SYT1: variants seen among roughly 807,000 people sequenced by gnomAD.
SYT1 encodes synaptotagmin-1.
In SYT1, 8 loss-of-function variants were observed where a neutral mutation model predicts 44.8. The ratio of observed to expected loss-of-function variants is 0.18; its 90% CI spans 0.10 to 0.32. The LOEUF (loss-of-function observed/expected upper bound fraction) is 0.32, where lower values mean the gene tolerates loss of function less well. SYT1 is among the 10% of genes least tolerant of loss of function. The pLI is 1.00. For synonymous variants in SYT1, 154 were observed against 188.8 expected (o/e 0.82, Z 1.51); for missense variants, 286 against 509.3 (o/e 0.56, Z 4.22).
At chr12:78,914,579 C>G (rs1287539977) in intron 1 of SYT1, among the ~76,000 whole-genome samples, 1 of 151,760 alleles carries the variant, frequency 6.6e-6, no homozygotes, top group African/African-American at 2.4e-5. Context: ...ATAGGTAGAT[C>G]GATAGAGAGA....
At chr12:79,179,059 T>C (rs1242034775) in intron 3 of SYT1, among the ~76,000 whole-genome samples, 1 of 112,884 alleles carries the variant, frequency 8.9e-6, no homozygotes, top group African/African-American at 3.3e-5. Context: ...TATATAGATA[T>C]AGATATAGAT....
intron 3 of SYT1, among the ~76,000 whole-genome samples, chr12:79,210,592 G>A: frequency 6.6e-6 from 1 of 152,128 alleles, no homozygotes; most frequent in Non-Finnish European, 1.5e-5. Flanking sequence ...TCCTTTTCAT[G>A]GCTGAGTAGT....
chr12:79,430,464 T>A (rs993820866), intron 9 of SYT1, among the ~76,000 whole-genome samples: 2 of 152,236 alleles, frequency 1.3e-5, no homozygotes, highest in African/African-American at 2.4e-5. Flanking sequence ...GTTTTCTGTA[T>A]GCCTTCATTC....
At chr12:79,365,962 T>A (rs1428480837) in intron 9 of SYT1, among the ~76,000 whole-genome samples, 3 of 151,900 alleles carry the variant, frequency 2.0e-5, no homozygotes, top group Non-Finnish European at 4.4e-5. Context: ...CTTGAAAAGA[T>A]ATGTGACAGT....
chr12:79,096,711 T>A (rs372854569), intron 3 of SYT1, among the ~76,000 whole-genome samples: 24 of 152,038 alleles, frequency 1.6e-4, no homozygotes, highest in African/African-American at 5.8e-4. Flanking sequence ...GAAGGAAGAA[T>A]CATGAAAGAT....
intron 5 of SYT1, among the ~76,000 whole-genome samples, chr12:79,286,639 G>A (rs1592931658): frequency 6.6e-6 from 1 of 151,960 alleles, no homozygotes; most frequent in South Asian, 2.1e-4. Flanking sequence ...CATCTGGCTG[G>A]GTTATCTTTC....
chr12:79,395,380 A>T (rs1225161305), intron 9 of SYT1, among the ~76,000 whole-genome samples: 1 of 151,898 alleles, frequency 6.6e-6, no homozygotes, highest in Non-Finnish European at 1.5e-5. Context: ...GACCACGCCC[A>T]GCTAATTTTT....
intron 1 of SYT1, among the ~76,000 whole-genome samples, chr12:78,917,550 A>T (rs1947737): frequency 0.71 from 107,196 of 151,458 alleles, 38,627 homozygotes; most frequent in African/African-American, 0.82. Flanking sequence ...ACATGGCACA[A>T]GTATACATAT....
Position 79,063,515 on chromosome 12 carries a change from T to G in SYT1, c.-18+16153T>G, listed in dbSNP as rs150646374. ...TTCAAAGACATTCCACTGTGCAGTC[T>G]GTCCCTATGTCTGCTTGTAAACCAA... On this transcript the variant is annotated intron_variant, in intron 3 of 10. Coordinates refer to ENST00000261205, the MANE Select transcript of SYT1 (RefSeq NM_005639.3). Among the ~76,000 whole-genome samples, 174 of 152,256 alleles carry G rather than the reference T, an allele frequency of 1.1e-3. 1 individual carries two copies. Among genetic ancestry groups the G allele is most frequent in the Admixed American group, 3.7e-3 (56 of 15,272 alleles).
chr12:79,050,129 G>T (rs1364428929), intron 3 of SYT1, among the ~76,000 whole-genome samples: 2 of 151,476 alleles, frequency 1.3e-5, no homozygotes, highest in African/African-American at 4.9e-5. Context: ...ATAAATAGTT[G>T]ATTAATTCTT....
At chr12:79,286,542 A>C (rs1430348272) in intron 5 of SYT1, among the ~76,000 whole-genome samples, 1 of 152,174 alleles carries the variant, frequency 6.6e-6, no homozygotes, top group Non-Finnish European at 1.5e-5. Flanking sequence ...GCCTTATGAA[A>C]AAGTTTTCTT....
At chr12:79,140,310 A>G (rs1026523144) in intron 3 of SYT1, among the ~76,000 whole-genome samples, 1 of 152,210 alleles carries the variant, frequency 6.6e-6, no homozygotes, top group Non-Finnish European at 1.5e-5. Context: ...CTCTTCTGGT[A>G]GATAACGCAG....
chr12:79,342,380 C>T (rs1412561971), intron 8 of SYT1, among the ~76,000 whole-genome samples: 1 of 151,500 alleles, frequency 6.6e-6, no homozygotes, highest in Non-Finnish European at 1.5e-5. Flanking sequence ...CACAGGCATG[C>T]ACCACCATGC....
rs1201857174 is a variant in SYT1 at position 79,383,211 on chromosome 12, A to G, written c.928+29592A>G. On this transcript the variant is annotated intron_variant, in intron 9 of 10. Transcript: ENST00000261205. ...TTGTAGCCTGCTACATACCTAAGCT[A>G]TAGGGTATAGCCTATTGCTCCAAGG... Among the ~76,000 whole-genome samples, 9 of 152,156 alleles carry G rather than the reference A, an allele frequency of 5.9e-5. No individual in the cohort carries two copies. In the East Asian group the frequency reaches 1.7e-3, roughly 29 times the overall value.
chr12:79,001,681 T>A (rs1418953754), intron 2 of SYT1, among the ~76,000 whole-genome samples: 1 of 152,218 alleles, frequency 6.6e-6, no homozygotes, highest in African/African-American at 2.4e-5. Context: ...ATTTATTTTC[T>A]GTTCTTAGTG....
At chr12:79,281,530 A>T (rs59502308) in intron 4 of SYT1, among the ~76,000 whole-genome samples, 5,698 of 152,206 alleles carry the variant, frequency 0.037, 212 homozygotes, top group East Asian at 0.13. Flanking sequence ...TGGAGACTCA[A>T]AAGTGGGAAG....
chr12:79,427,825 G>C (rs979373870), intron 9 of SYT1, among the ~76,000 whole-genome samples: 1 of 152,148 alleles, frequency 6.6e-6, no homozygotes, highest in Non-Finnish European at 1.5e-5. Context: ...GAAGAAACTG[G>C]AGAGGTAGAG....
intron 9 of SYT1, among the ~76,000 whole-genome samples, chr12:79,413,766 T>G (rs922310162): frequency 6.6e-6 from 1 of 152,168 alleles, no homozygotes; most frequent in African/African-American, 2.4e-5. Flanking sequence ...GTTTGAATAC[T>G]CTCTCTTAAT....
chr12:79,002,357 ACTTGCT>A (rs1565757426), intron 2 of SYT1, among the ~76,000 whole-genome samples: 5 of 152,106 alleles, frequency 3.3e-5, no homozygotes, highest in Admixed American at 3.3e-4. Flanking sequence ...TGAACAACTT[ACTTGCT>A]CTTAGCTGAA....
Sources: gnomAD v4.1 joint callset for allele counts (sites outside exome capture counted in the v4.1 genomes callset) on GRCh38, gnomAD v4.1.1 for gene constraint, MANE v1.5 for transcripts, NCBI Gene and HGNC (gene_info 2026-07-23, HGNC 2026-07-21) for gene names.